BNIP1: variants seen among roughly 807,000 people sequenced by gnomAD.
BNIP1 encodes vesicle transport protein SEC20.
A neutral mutation model predicts 28.5 loss-of-function variants in BNIP1; 25 were observed. That is an observed-to-expected ratio of 0.88 (90% confidence interval 0.64 to 1.23). The LOEUF is 1.23. BNIP1 is among the 50% of genes most tolerant of loss of function. The pLI is 0.00. For synonymous variants in BNIP1, 118 were observed against 101.7 expected (o/e 1.16, Z -0.96); for missense variants, 276 against 277.0 (o/e 1.00, Z 0.02).
chr5:173,163,292 C>A (rs180787671), intron 5 of BNIP1, among the ~76,000 whole-genome samples: 1 of 152,344 alleles, frequency 6.6e-6, no homozygotes, highest in African/African-American at 2.4e-5. Flanking sequence ...GTCTGGCCAG[C>A]AGATGTCCTG....
Position 173,163,942 on chromosome 5 carries a change from T to G in BNIP1, c.*21T>G. The G allele has an allele frequency of 6.4e-7, 1 of 1,572,154 alleles. No homozygotes were observed. Among genetic ancestry groups the G allele is most frequent in the African/African-American group, 1.4e-5 (1 of 73,458 alleles). ...TGTGAGATCCCAAAGGTGCCAGTTC[T>G]GGCCCTTTCAGCTCCTGTTTCAGGA... On this transcript the variant is annotated 3_prime_UTR_variant, in exon 6 of 6. Transcript: ENST00000351486.
rs142541614 is a variant in BNIP1, at chr5:173,144,563, C to A, written c.18C>A (p.Asp6Glu). The change falls in exon 1 of 6, where the codon GAC (aspartate) becomes GAA (glutamate). Residue 6 changes from aspartate (D) to glutamate (E), a missense_variant. Transcript: ENST00000351486. The part of the protein sequence containing the change: MAAPQ[D>E]VHVRICNQEI... ...TCCCCAACATGGCGGCTCCCCAAGA[C>A]GTCCACGTCCGGATCTGTAACCAAG... is the stretch of plus-strand genomic sequence containing the variant. The A allele has an allele frequency of 5.0e-6, 8 of 1,614,152 alleles. 1 individual carries two copies. The South Asian group carries it at 8.8e-5, about 18-fold the overall frequency.
At position 173,163,852 on chromosome 5, in the gene BNIP1, C is replaced by T. The variant is rs1271027689; in HGVS notation, c.618C>T (p.Phe206=). 3.1e-6 allele frequency: 5 copies of T among 1,614,022 alleles called. No homozygotes were observed. Among genetic ancestry groups the T allele is most frequent in the African/African-American group, 1.3e-5 (1 of 74,940 alleles). The change falls in exon 6 of 6, where the codon TTC becomes TTT. Residue 206 remains phenylalanine, a synonymous_variant. Coordinates refer to ENST00000351486, the MANE Select transcript of BNIP1 (RefSeq NM_001205.3). ...AGCTGACGGACAAGCTTCTCATCTT[C>T]CTTGCGCTAGCCCTGTTTCTTGCTA... The part of the protein sequence containing the change: ...RRELTDKLLI[F]LALALFLATV...
intron 2 of BNIP1, among the ~76,000 whole-genome samples, chr5:173,148,703 C>T (rs371449705): frequency 8.6e-5 from 13 of 152,000 alleles, no homozygotes; most frequent in African/African-American, 2.4e-4. Context: ...TTCCTGCCGG[C>T]TCCTCTTCAT....
At chr5:173,157,147 A>C (rs921442021) in intron 3 of BNIP1, among the ~76,000 whole-genome samples, 5 of 152,158 alleles carry the variant, frequency 3.3e-5, no homozygotes, top group African/African-American at 1.2e-4. Context: ...AGGGTCCTGC[A>C]GAACCCCCTT....
Position 173,164,095 on chromosome 5 carries a change from G to C in BNIP1, c.*174G>C. The C allele has an allele frequency of 1.7e-6, 1 of 588,238 alleles. No individual in the cohort carries two copies. Among genetic ancestry groups the C allele is most frequent in the Non-Finnish European group, 2.8e-6 (1 of 363,138 alleles). 36.4% of individuals were successfully genotyped at this position (588,238 alleles called of 1,614,324 possible). ...TGCAAGTAGCTGGCTTGTAAAGGGTGAACAGAGCCATGGGAGGAAGGTCTG... is the reference window on the plus strand; with the variant it reads ...TGCAAGTAGCTGGCTTGTAAAGGGTCAACAGAGCCATGGGAGGAAGGTCTG... On this transcript the variant is annotated 3_prime_UTR_variant, in exon 6 of 6. Transcript: ENST00000351486. The surrounding 1 kb of genome is among the most constrained non-coding windows in gnomAD (Gnocchi z 4.0).
intron 2 of BNIP1, among the ~76,000 whole-genome samples, chr5:173,148,379 A>G (rs533601167): frequency 1.8e-4 from 27 of 152,038 alleles, no homozygotes; most frequent in African/African-American, 6.5e-4. Flanking sequence ...GGAAACACGT[A>G]TGGAGCTGAC....
intron 1 of BNIP1, among the ~76,000 whole-genome samples, chr5:173,145,862 T>C (rs1287150276): frequency 6.6e-6 from 1 of 152,090 alleles, no homozygotes; most frequent in Non-Finnish European, 1.5e-5. Context: ...AATAAACAAA[T>C]ACGGTGCAAA....
rs536273549 is a variant in BNIP1, at chr5:173,152,321, A to G, written c.178-2001A>G. Among the ~76,000 whole-genome samples, 44 of 152,132 alleles carry G rather than the reference A, an allele frequency of 2.9e-4. No individual in the cohort carries two copies. The South Asian group carries it at 3.9e-3, about 14-fold the overall frequency. On this transcript the variant is annotated intron_variant, in intron 2 of 5. Coordinates refer to ENST00000351486, the MANE Select transcript of BNIP1 (RefSeq NM_001205.3). ...GAATATATGTAGTGAATAATGTGAG[A>G]TACAGCTCTGCTTATTCATAGAATT...
chr5:173,147,058 G>A, intron 2 of BNIP1, 100 bp downstream of exon 2: 1 of 896,490 alleles, frequency 1.1e-6, no homozygotes, highest in Non-Finnish European at 1.8e-6. Context: ...GATGGGAGCA[G>A]TAAACACTTA....
chr5:173,153,394 A>C (rs949980747), intron 2 of BNIP1, among the ~76,000 whole-genome samples: 2 of 151,764 alleles, frequency 1.3e-5, no homozygotes, highest in African/African-American at 4.8e-5. Context: ...CGCCCGGCTA[A>C]TTTTTTGTAT....
At chr5:173,149,162 G>A (rs1391409968) in intron 2 of BNIP1, among the ~76,000 whole-genome samples, 1 of 152,142 alleles carries the variant, frequency 6.6e-6, no homozygotes, top group Non-Finnish European at 1.5e-5. Flanking sequence ...GTGAGGGTGA[G>A]GTGGGTGTCA....
chr5:173,151,546 ATTT>A (rs374928255), intron 2 of BNIP1: 364 of 1,437,914 alleles, frequency 2.5e-4, no homozygotes, highest in Middle Eastern at 7.7e-4. Context: ...AATAACTGTC[ATTT>A]TTTTTTTTTT....
chr5:173,156,413 C>T (rs1760187255), intron 3 of BNIP1, among the ~76,000 whole-genome samples: 1 of 151,930 alleles, frequency 6.6e-6, no homozygotes, highest in Non-Finnish European at 1.5e-5. Context: ...GGGGCCGAGG[C>T]AGGAGGACTG....
Position 173,164,195 on chromosome 5 carries a change from G to A in BNIP1, c.*274G>A, listed in dbSNP as rs918265163. On this transcript the variant is annotated 3_prime_UTR_variant, in exon 6 of 6. Coordinates refer to ENST00000351486, the MANE Select transcript of BNIP1 (RefSeq NM_001205.3). This position sits in a 1 kb window ranked among gnomAD's most constrained non-coding sequence, Gnocchi z 4.0. ...GTGCACTATGGGAGGCCGCTGCTGC[G>A]TGGAGCACTTAAAGTCCAGCCTCCA... is the stretch of plus-strand genomic sequence containing the variant. The A allele has an allele frequency of 7.8e-5, 23 of 294,572 alleles. No individual in the cohort carries two copies. The highest frequency in any genetic ancestry group is 1.1e-4 in the Non-Finnish European group (18 of 160,440). 18.2% of individuals were successfully genotyped at this position (294,572 alleles called of 1,614,324 possible).
At chr5:173,153,387 C>A (rs1760077896) in intron 2 of BNIP1, among the ~76,000 whole-genome samples, 1 of 152,022 alleles carries the variant, frequency 6.6e-6, no homozygotes, top group Non-Finnish European at 1.5e-5. Context: ...GCCACCACGC[C>A]CGGCTAATTT....
intron 3 of BNIP1, among the ~76,000 whole-genome samples, chr5:173,155,137 C>T (rs1267350380): frequency 6.6e-6 from 1 of 151,962 alleles, no homozygotes; most frequent in Non-Finnish European, 1.5e-5. Context: ...AAATAAAATG[C>T]AAGAAAAACC....
At chr5:173,158,917 C>G in intron 4 of BNIP1, 72 bp downstream of exon 4, 1 of 1,152,986 alleles carries the variant, frequency 8.7e-7, no homozygotes. Flanking sequence ...GAAACCCCCT[C>G]TTGTTTTCAG....
chr5:173,158,526 G>T (rs907655399), intron 3 of BNIP1, among the ~76,000 whole-genome samples: 1 of 152,352 alleles, frequency 6.6e-6, no homozygotes, highest in African/African-American at 2.4e-5. Flanking sequence ...GAGCCTCCCC[G>T]TGGCGACCTC....
Sources: gnomAD v4.1 joint callset for allele counts (sites outside exome capture counted in the v4.1 genomes callset) on GRCh38, gnomAD v4.1.1 for gene constraint, Gnocchi (gnomAD v3.1) non-coding constraint, MANE v1.5 for transcripts, NCBI Gene and HGNC (gene_info 2026-07-23, HGNC 2026-07-21) for gene names.